SVIL: variants seen among roughly 807,000 people sequenced by gnomAD.
SVIL encodes the protein supervillin, also known as archvillin.
A neutral mutation model predicts 240.4 loss-of-function variants in SVIL; 101 were observed. That is an observed-to-expected ratio of 0.42 (90% CI 0.36 to 0.50). The LOEUF (loss-of-function observed/expected upper bound fraction) is 0.50. Among genes scored for constraint, SVIL ranks in the 20% least tolerant of loss-of-function variants. The pLI is 0.01. For missense variants in SVIL, 2,512 were observed against 2,818.7 expected, an observed-to-expected ratio of 0.89 and a Z score of 2.46; for synonymous variants, 999 against 1,100.0, an observed-to-expected ratio of 0.91 and a Z score of 1.82.
intron 1 of SVIL, among the ~76,000 whole-genome samples, chr10:29,703,401 C>A (rs1290311280): frequency 1.3e-5 from 2 of 152,240 alleles, no homozygotes; most frequent in East Asian, 1.9e-4. Context: ...GTGCCAGAAA[C>A]CCTGCTCTTG....
chr10:29,589,075 C>T (rs1189691999), intron 1 of SVIL, among the ~76,000 whole-genome samples: 23 of 152,246 alleles, frequency 1.5e-4, no homozygotes, highest in Admixed American at 1.5e-3. Context: ...TGAGATGCCT[C>T]GGTGACTTTT....
At chr10:29,473,453 G>C (rs1190627391) in intron 30 of SVIL, 5 of 234,076 alleles carry the variant, frequency 2.1e-5, no homozygotes, top group African/African-American at 9.2e-5. Context: ...CCGAGGCCTT[G>C]CCAGCTGGCC....
intron 34 of SVIL, among the ~76,000 whole-genome samples, chr10:29,464,609 T>G (rs1444559456): frequency 6.6e-6 from 1 of 152,146 alleles, no homozygotes; most frequent in African/African-American, 2.4e-5. Context: ...ATTTCAGGAT[T>G]CTGTGAAAAC....
intron 1 of SVIL, among the ~76,000 whole-genome samples, chr10:29,596,079 C>A (rs1391005461): frequency 6.6e-6 from 1 of 152,214 alleles, no homozygotes; most frequent in African/African-American, 2.4e-5. Context: ...AGCACAGAAG[C>A]ACCACACACC....
At chr10:29,729,748 C>T (rs1479334892) in intron 1 of SVIL, among the ~76,000 whole-genome samples, 6 of 138,466 alleles carry the variant, frequency 4.3e-5, no homozygotes, top group Non-Finnish European at 9.3e-5. Flanking sequence ...GCGGGAGAAC[C>T]GCTTGAACCC....
At chr10:29,594,764 C>A (rs1956519422) in intron 1 of SVIL, among the ~76,000 whole-genome samples, 1 of 152,134 alleles carries the variant, frequency 6.6e-6, no homozygotes, top group Admixed American at 6.5e-5. Flanking sequence ...GCCATATTGC[C>A]TAGGCCAGTC....
At chr10:29,665,930 A>G (rs528191492) in intron 2 of SVIL, among the ~76,000 whole-genome samples, 19 of 152,358 alleles carry the variant, frequency 1.2e-4, no homozygotes, top group African/African-American at 4.3e-4. Flanking sequence ...AACGGGGGAA[A>G]AAAGGGGATG....
chr10:29,534,474 G>A (rs753757446), intron 7 of SVIL, among the ~76,000 whole-genome samples: 17 of 152,324 alleles, frequency 1.1e-4, no homozygotes, highest in Admixed American at 1.3e-4. Flanking sequence ...CTACACTCCA[G>A]CATAGGCAAC....
chr10:29,531,164 T>C, intron 10 of SVIL, 90 bp downstream of exon 10: 3 of 1,278,834 alleles, frequency 2.3e-6, no homozygotes, highest in Non-Finnish European at 3.3e-6. Flanking sequence ...TGCTCCATCA[T>C]CTTACTCTCT....
intron 9 of SVIL, among the ~76,000 whole-genome samples, chr10:29,531,521 C>G (rs1297636428): frequency 6.6e-6 from 1 of 152,228 alleles, no homozygotes; most frequent in African/African-American, 2.4e-5. Flanking sequence ...AGACCAGGCA[C>G]AAGAACAACT....
Position 29,484,937 on chromosome 10 carries a change from G to T in SVIL, c.4780-106C>A. On this transcript the variant is annotated intron_variant, in intron 26 of 37. Coordinates refer to ENST00000355867, the MANE Select transcript of SVIL (RefSeq NM_021738.3). This position sits in a 1 kb window ranked among gnomAD's most constrained non-coding sequence, Gnocchi z 4.7. ...ACAGTGAGTCAAACGGAGGAAGACA[G>T]AAATCCTAACGGGGCGACCAACACA... 7.9e-7 allele frequency: 1 copy of T among 1,261,368 alleles called. No individual in the cohort carries two copies. The highest frequency in any genetic ancestry group is 2.6e-5 in the Admixed American group (1 of 38,120). The allele number at this position is 1,261,368 out of a possible 1,614,324, so 78.1% of individuals were successfully genotyped here.
chr10:29,554,652 GC>G, intron 5 of SVIL, 130 bp downstream of exon 5: 3 of 1,209,712 alleles, frequency 2.5e-6, no homozygotes, highest in Non-Finnish European at 3.2e-6. Context: ...GAAACCTTGT[GC>G]TAAAAAAATT....
chr10:29,539,914 C>G (rs148835233), intron 6 of SVIL, among the ~76,000 whole-genome samples: 105 of 152,290 alleles, frequency 6.9e-4, no homozygotes, highest in Non-Finnish European at 1.2e-3. Context: ...TTTTACTCCT[C>G]TGTTTCTTTC....
rs550188564 is a variant in SVIL at position 29,567,844 on chromosome 10, G to A, written c.-143+1411C>T. Among the ~76,000 whole-genome samples the A allele has an allele frequency of 2.6e-3, 393 of 152,014 alleles. 2 individuals carry two copies. The highest frequency in any genetic ancestry group is 9.0e-3 in the African/African-American group (374 of 41,486). ...ATCCTGGCTAACACGGTGAAACCCC[G>A]TCTCTACTAAAAATACAAAAAAATT... is the stretch of plus-strand genomic sequence containing the variant. On this transcript the variant is annotated intron_variant, in intron 2 of 37. Transcript: ENST00000355867.
intron 1 of SVIL, among the ~76,000 whole-genome samples, chr10:29,573,915 C>T (rs1342263906): frequency 2.0e-5 from 3 of 152,180 alleles, no homozygotes; most frequent in Admixed American, 6.5e-5. Context: ...AGGCTGCTCT[C>T]GAACTCCGGA....
chr10:29,719,602 C>T (rs955299188), intron 1 of SVIL, among the ~76,000 whole-genome samples: 2 of 152,092 alleles, frequency 1.3e-5, no homozygotes, highest in African/African-American at 4.8e-5. Flanking sequence ...GACAAATATT[C>T]AAGATTTTAG....
chr10:29,643,142 C>A (rs1202102516), intron 3 of SVIL, among the ~76,000 whole-genome samples: 1 of 152,216 alleles, frequency 6.6e-6, no homozygotes, highest in East Asian at 1.9e-4. Flanking sequence ...TCAAATGTTT[C>A]TGTGTAGTGG....
chr10:29,645,986 C>A (rs886653487), intron 3 of SVIL, among the ~76,000 whole-genome samples: 4 of 152,236 alleles, frequency 2.6e-5, no homozygotes, highest in African/African-American at 9.6e-5. Context: ...CAGCTCCCTT[C>A]AGCTTACGCT....
At chr10:29,622,157 G>A (rs1370372917) in intron 1 of SVIL, among the ~76,000 whole-genome samples, 2 of 146,462 alleles carry the variant, frequency 1.4e-5, no homozygotes, top group Non-Finnish European at 3.0e-5. Flanking sequence ...GGCTGAGGCA[G>A]GAGAATGGCG....
Sources: gnomAD v4.1 joint callset for allele counts (sites outside exome capture counted in the v4.1 genomes callset) on GRCh38, gnomAD v4.1.1 for gene constraint, Gnocchi (gnomAD v3.1) non-coding constraint, MANE v1.5 for transcripts, NCBI Gene and HGNC (gene_info 2026-07-23, HGNC 2026-07-21) for gene names.